FHL5: variants seen among roughly 807,000 people sequenced by gnomAD.
FHL5 encodes the protein four and a half LIM domains protein 5.
Under a neutral mutation model 32.0 loss-of-function variants are expected in FHL5, and 33 were observed. That is an observed-to-expected ratio of 1.03 (90% CI 0.78 to 1.38). The LOEUF (loss-of-function observed/expected upper bound fraction) is 1.38, where lower values mean the gene tolerates loss of function less well. Ranked by LOEUF, FHL5 falls within the 40% of genes most tolerant of loss-of-function variation. FHL5 has a pLI of 0.00. For missense variants in FHL5, 336 were observed against 343.9 expected (o/e 0.98, Z 0.18); for synonymous variants, 114 against 113.6 (o/e 1.00, Z -0.02).
chr6:96,615,422 G>A (rs1043780982), intron 5 of FHL5, among the ~76,000 whole-genome samples, 187 bp from the exon 6 acceptor site: 3 of 152,188 alleles, frequency 2.0e-5, no homozygotes, highest in African/African-American at 7.2e-5. Flanking sequence ...TGGCATAGGT[G>A]TAACTTTCCT....
chr6:96,573,896 C>A (rs938764126), intron 1 of FHL5, among the ~76,000 whole-genome samples: 1 of 151,594 alleles, frequency 6.6e-6, no homozygotes, highest in African/African-American at 2.4e-5. Context: ...CAATATTTTT[C>A]TTATGTTTCC....
At position 96,618,447 on chromosome 6, in the gene FHL5, C is replaced by T. The variant is rs112069267; in HGVS notation, c.*2675C>T. Among the ~76,000 whole-genome samples, 317 of 152,260 alleles carry T rather than the reference C, an allele frequency of 2.1e-3. 1 individual carries two copies. Among genetic ancestry groups the T allele is most frequent in the African/African-American group, 4.8e-3 (200 of 41,566 alleles). ...TATTAACTCTTAGGATAAAAAGTGA[C>T]ATAACCGGCCATAGAAAGTTACCAA... On this transcript the variant is annotated 3_prime_UTR_variant, in exon 6 of 6. Transcript: ENST00000450218.
At chr6:96,588,355 C>T (rs1361632630) in intron 1 of FHL5, among the ~76,000 whole-genome samples, 1 of 152,150 alleles carries the variant, frequency 6.6e-6, no homozygotes, top group African/African-American at 2.4e-5. Flanking sequence ...GGATTACAGG[C>T]ATGCACCACC....
chr6:96,582,531 A>T (rs1770716184), intron 1 of FHL5, among the ~76,000 whole-genome samples: 1 of 152,152 alleles, frequency 6.6e-6, no homozygotes, highest in Non-Finnish European at 1.5e-5. Context: ...AAACCATATG[A>T]AGCACTTTTT....
intron 1 of FHL5, among the ~76,000 whole-genome samples, chr6:96,573,348 C>A (rs922436197): frequency 4.6e-5 from 7 of 151,942 alleles, no homozygotes; most frequent in African/African-American, 1.7e-4. Context: ...ACATAAAGAT[C>A]AACACTTCCT....
chr6:96,576,567 G>A (rs1487357721), intron 1 of FHL5, among the ~76,000 whole-genome samples: 1 of 152,206 alleles, frequency 6.6e-6, no homozygotes. Flanking sequence ...CCCAGAGTTG[G>A]CCCTCAAGAG....
intron 1 of FHL5, among the ~76,000 whole-genome samples, chr6:96,584,063 G>T (rs953325864): frequency 6.6e-6 from 1 of 151,990 alleles, no homozygotes; most frequent in Non-Finnish European, 1.5e-5. Flanking sequence ...ATCATGCTAC[G>T]CCTCCTGAGA....
At chr6:96,609,470 C>T (rs1771352065) in intron 4 of FHL5, among the ~76,000 whole-genome samples, 1 of 152,152 alleles carries the variant, frequency 6.6e-6, no homozygotes, top group Admixed American at 6.5e-5. Context: ...CTGATTCTAA[C>T]TAAAGATTTC....
intron 1 of FHL5, among the ~76,000 whole-genome samples, chr6:96,586,310 T>A (rs569686766): frequency 2.0e-4 from 30 of 152,326 alleles, no homozygotes; most frequent in Admixed American, 1.2e-3. Context: ...CTTCAAATAG[T>A]TCATGGAAAA....
At chr6:96,570,515 C>G (rs1178529835) in intron 1 of FHL5, among the ~76,000 whole-genome samples, 1 of 152,016 alleles carries the variant, frequency 6.6e-6, no homozygotes, top group Non-Finnish European at 1.5e-5. Flanking sequence ...TTCAAATATC[C>G]CTCCTCCACA....
In FHL5 at chr6:96,616,120, GA is replaced by G. The variant is rs1771514795; in HGVS notation, c.*353del. On this transcript the variant is annotated 3_prime_UTR_variant, in exon 6 of 6. Transcript: ENST00000450218. ...GGTTTTTCATACCTGAAGAGTAAAA[GA>G]AAAACTAAGAGATCAAACTGAGAGG... The G allele has an allele frequency of 6.3e-6, 1 of 158,752 alleles. No homozygotes were observed. The highest frequency in any genetic ancestry group is 2.4e-5 in the African/African-American group (1 of 41,682). 9.8% of individuals were successfully genotyped at this position (158,752 alleles called of 1,614,324 possible). A position where few individuals can be genotyped will look rare whatever the true frequency, so the allele number is the denominator to read the frequency against.
intron 1 of FHL5, among the ~76,000 whole-genome samples, chr6:96,564,135 T>C (rs1382244223): frequency 6.6e-6 from 1 of 152,064 alleles, no homozygotes; most frequent in African/African-American, 2.4e-5. Flanking sequence ...CTTTAGAAAA[T>C]TGGAAACTAA....
chr6:96,585,611 T>C (rs777798752), intron 1 of FHL5, among the ~76,000 whole-genome samples: 10 of 152,168 alleles, frequency 6.6e-5, no homozygotes, highest in Non-Finnish European at 1.2e-4. Context: ...CACATATCAA[T>C]GTGATTATTT....
chr6:96,573,527 A>ATTTTT (rs553599471), intron 1 of FHL5, among the ~76,000 whole-genome samples: 9 of 112,396 alleles, frequency 8.0e-5, no homozygotes, highest in African/African-American at 1.1e-4. Flanking sequence ...AAATATTCTA[A>ATTTTT]TTTTTTTTTT....
At chr6:96,574,545 T>A (rs1253193090) in intron 1 of FHL5, among the ~76,000 whole-genome samples, 1 of 152,200 alleles carries the variant, frequency 6.6e-6, no homozygotes, top group South Asian at 2.1e-4. Flanking sequence ...TGCTTAGGTT[T>A]CAGACCATAC....
rs1771268114 is a variant in FHL5, at chr6:96,605,987, G to A, written c.420G>A (p.Lys140=). 2 of 1,613,944 alleles carry A rather than the reference G, an allele frequency of 1.2e-6. No individual in the cohort carries two copies. The highest frequency in any genetic ancestry group is 1.7e-6 in the Non-Finnish European group (2 of 1,179,976). The change falls in exon 4 of 6, where the codon AAG becomes AAA. Residue 140 remains lysine (K), a synonymous_variant. Transcript: ENST00000450218. Reference sequence around the variant, plus strand: ...ATTGCCGACAACCTATAGGGACAAAGCCTTTGATCTCCAAAGAGAGTGGCA... The same window carrying A: ...ATTGCCGACAACCTATAGGGACAAAACCTTTGATCTCCAAAGAGAGTGGCA... ...CENCRQPIGT[K]PLISKESGNY... is the part of the protein sequence containing the mutation.
At chr6:96,596,133 A>G (rs1771028801) in intron 1 of FHL5, among the ~76,000 whole-genome samples, 1 of 152,028 alleles carries the variant, frequency 6.6e-6, no homozygotes, top group African/African-American at 2.4e-5. Flanking sequence ...TACAGTTAGT[A>G]TAAGTTCAGG....
At chr6:96,612,897 G>A (rs1158922782) in intron 5 of FHL5, among the ~76,000 whole-genome samples, 1 of 151,984 alleles carries the variant, frequency 6.6e-6, no homozygotes, top group Admixed American at 6.6e-5. Flanking sequence ...ATGTACCATT[G>A]GGAATTCTGA....
intron 1 of FHL5, among the ~76,000 whole-genome samples, chr6:96,580,013 G>C (rs1037349067): frequency 6.6e-5 from 10 of 152,220 alleles, no homozygotes. Context: ...CTTGCAAAGA[G>C]ATAGGATACT....
Sources: gnomAD v4.1 joint callset for allele counts (sites outside exome capture counted in the v4.1 genomes callset) on GRCh38, gnomAD v4.1.1 for gene constraint, MANE v1.5 for transcripts, NCBI Gene and HGNC (gene_info 2026-07-23, HGNC 2026-07-21) for gene names.